Variants in GMEB1 observed in about 807,000 individuals in gnomAD.
GMEB1 encodes glucocorticoid modulatory element binding protein 1.
A neutral mutation model predicts 52.4 loss-of-function variants in GMEB1; 6 were observed. That is an observed-to-expected ratio of 0.11 (90% CI 0.06 to 0.23). GMEB1 has a LOEUF of 0.23. Among genes scored for constraint, GMEB1 ranks in the 10% least tolerant of loss-of-function variants. GMEB1 has a pLI of 1.00. For synonymous variants in GMEB1, 255 were observed against 244.9 expected (o/e 1.04, Z -0.38); for missense variants, 486 against 685.6 (o/e 0.71, Z 3.25).
At chr1:28,702,717 A>G (rs1670574044) in intron 7 of GMEB1, 148 bp downstream of exon 7, 1 of 647,092 alleles carries the variant, frequency 1.5e-6, no homozygotes, top group Non-Finnish European at 2.6e-6. Flanking sequence ...TCCTACTTTA[A>G]TCCATGCAAT....
At chr1:28,709,385 C>T (rs1670940857) in intron 8 of GMEB1, among the ~76,000 whole-genome samples, 1 of 152,066 alleles carries the variant, frequency 6.6e-6, no homozygotes, top group Non-Finnish European at 1.5e-5. Flanking sequence ...TTCTAATCTT[C>T]ATGTCTATTT....
intron 1 of GMEB1, among the ~76,000 whole-genome samples, chr1:28,680,214 C>CT (rs11455662): frequency 0.38 from 57,204 of 151,902 alleles, 12,426 homozygotes; most frequent in East Asian, 0.76. Flanking sequence ...GATCCTGTCT[C>CT]TATCTTTAAA....
At position 28,702,577 on chromosome 1, in the gene GMEB1, T is replaced by C; in HGVS notation, c.730+8T>C. ...ACTCAGAGGAAATTTCAGGTATTCT[T>C]CTATAGGGCTCAGATGTCTTGCAGG... On this transcript the variant is annotated splice_region_variant and intron_variant, in intron 7 of 9. Transcript: ENST00000373816. 1 of 1,612,202 alleles carries C rather than the reference T, an allele frequency of 6.2e-7. No homozygotes were observed. The highest frequency in any genetic ancestry group is 8.5e-7 in the Non-Finnish European group (1 of 1,178,908).
chr1:28,711,986 G>T (rs1396302216), intron 9 of GMEB1, among the ~76,000 whole-genome samples: 1 of 152,120 alleles, frequency 6.6e-6, no homozygotes, highest in Non-Finnish European at 1.5e-5. Context: ...CCCAGGTTGT[G>T]ACCTGTGCTT....
intron 6 of GMEB1, among the ~76,000 whole-genome samples, chr1:28,699,160 G>C (rs1403059640): frequency 6.6e-6 from 1 of 152,122 alleles, no homozygotes; most frequent in Non-Finnish European, 1.5e-5. Flanking sequence ...AGGGGCTCCT[G>C]ATTACCAAGT....
At chr1:28,704,166 C>T (rs768420802) in intron 7 of GMEB1, 26 bp from the exon 8 acceptor site, 4 of 1,579,984 alleles carry the variant, frequency 2.5e-6, no homozygotes, top group South Asian at 1.2e-5. Context: ...TCTTTTTTAC[C>T]CTCTGTCTTA....
Position 28,670,645 on chromosome 1 carries a change from T to C in GMEB1, c.-31+1806T>C, listed in dbSNP as rs538421430. Among the ~76,000 whole-genome samples the C allele has an allele frequency of 4.0e-5, 6 of 151,726 alleles. No individual in the cohort carries two copies. The South Asian group carries it at 1.3e-3, about 32-fold the overall frequency. On this transcript the variant is annotated intron_variant, in intron 1 of 9. Transcript: ENST00000373816. Reference sequence around the variant, plus strand: ...GCCTGGCCCAACCAGGCTAATTTTTTTGTGTTTTTAGTAGAGACGGGGTTT... The same window carrying C: ...GCCTGGCCCAACCAGGCTAATTTTTCTGTGTTTTTAGTAGAGACGGGGTTT...
At chr1:28,702,290 A>G (rs1462932789) in intron 6 of GMEB1, 148 bp from the exon 7 acceptor site, 3 of 510,728 alleles carry the variant, frequency 5.9e-6, no homozygotes, top group East Asian at 3.2e-5. Context: ...AGCTTACCTA[A>G]GAGTCTAGTT....
intron 1 of GMEB1, among the ~76,000 whole-genome samples, chr1:28,675,171 C>A (rs1669093167): frequency 6.6e-6 from 1 of 151,640 alleles, no homozygotes; most frequent in African/African-American, 2.4e-5. Context: ...GCGTGCGCTA[C>A]CACGCTGAGC....
chr1:28,676,724 C>A (rs1245555127), intron 1 of GMEB1, among the ~76,000 whole-genome samples: 13 of 145,604 alleles, frequency 8.9e-5, no homozygotes, highest in East Asian at 2.1e-4. Flanking sequence ...GACTCCGTCT[C>A]AAAAAAAAAT....
intron 1 of GMEB1, among the ~76,000 whole-genome samples, chr1:28,675,166 C>T (rs560880744): frequency 1.1e-3 from 164 of 151,638 alleles, no homozygotes; most frequent in African/African-American, 3.6e-3. Flanking sequence ...TACAGGCGTG[C>T]GCTACCACGC....
rs550986155 is a variant in GMEB1, at chr1:28,714,883, A to C, written c.*110A>C. 3.3e-4 allele frequency: 263 copies of C among 788,338 alleles called. No homozygotes were observed. The highest frequency in any genetic ancestry group is 4.6e-4 in the Non-Finnish European group (235 of 507,282). 48.8% of individuals were successfully genotyped at this position (788,338 alleles called of 1,614,324 possible). A position where few individuals can be genotyped will look rare whatever the true frequency, so the allele number is the denominator to read the frequency against. On this transcript the variant is annotated 3_prime_UTR_variant, in exon 10 of 10. Transcript: ENST00000373816. ...CATAGGACCCTTTTTTAAAAAAAAAAAAACAAAATCTTATTGTTGTAACTG... is the reference window on the plus strand; with the variant it reads ...CATAGGACCCTTTTTTAAAAAAAAACAAACAAAATCTTATTGTTGTAACTG...
At chr1:28,669,841 T>C (rs907604890) in intron 1 of GMEB1, among the ~76,000 whole-genome samples, 1 of 152,076 alleles carries the variant, frequency 6.6e-6, no homozygotes, top group Admixed American at 6.6e-5. Flanking sequence ...TGGCCAGGTG[T>C]TATCTAATTG....
chr1:28,684,310 T>A (rs1408166561), intron 2 of GMEB1, among the ~76,000 whole-genome samples: 1 of 152,072 alleles, frequency 6.6e-6, no homozygotes, highest in Non-Finnish European at 1.5e-5. Context: ...ACGCCTGTAA[T>A]CCCAGCACTT....
intron 5 of GMEB1, among the ~76,000 whole-genome samples, chr1:28,693,512 C>A (rs1670059753): frequency 6.6e-6 from 1 of 151,682 alleles, no homozygotes; most frequent in Non-Finnish European, 1.5e-5. Flanking sequence ...CCACCACGCC[C>A]AGCCTCTTGT....
At chr1:28,699,229 G>T (rs1157189833) in intron 6 of GMEB1, among the ~76,000 whole-genome samples, 1 of 152,086 alleles carries the variant, frequency 6.6e-6, no homozygotes, top group Non-Finnish European at 1.5e-5. Context: ...GTTGAGTTTG[G>T]TACTAGGGCT....
intron 1 of GMEB1, among the ~76,000 whole-genome samples, chr1:28,673,488 C>G (rs1668997127): frequency 6.6e-6 from 1 of 151,966 alleles, no homozygotes; most frequent in Non-Finnish European, 1.5e-5. Flanking sequence ...AACCCCTGAC[C>G]TTGTGATCCA....
intron 1 of GMEB1, among the ~76,000 whole-genome samples, chr1:28,677,641 G>T (rs1405193269): frequency 6.6e-6 from 1 of 152,148 alleles, no homozygotes; most frequent in East Asian, 1.9e-4. Flanking sequence ...ATAAAGGTTA[G>T]CTGATTCTTT....
rs1263269384 is a variant in GMEB1 at position 28,704,293 on chromosome 1, C to G, written c.832C>G (p.Gln278Glu). Residue 278 changes from glutamine to glutamate, a missense_variant, in exon 8 of 10, where the codon CAG (glutamine) becomes GAG (glutamate). Transcript: ENST00000373816. Reference sequence around the variant, plus strand: ...AATAGAGGAGCTACTCAGGGGAGTTCAGCAGCGGCTCATCCAGGCTCCCTT... The same window carrying G: ...AATAGAGGAGCTACTCAGGGGAGTTGAGCAGCGGCTCATCCAGGCTCCCTT... ...KEIEELLRGV[Q>E]QRLIQAPFQV... The G allele has an allele frequency of 6.2e-7, 1 of 1,613,378 alleles. No homozygotes were observed. The highest frequency in any genetic ancestry group is 1.7e-5 in the Admixed American group (1 of 59,884).
Sources: allele counts gnomAD v4.1 joint callset (sites outside exome capture counted in the v4.1 genomes callset), GRCh38; gene constraint gnomAD v4.1.1; transcripts MANE v1.5; gene names NCBI Gene and HGNC (gene_info 2026-07-23, HGNC 2026-07-21).